TENM4: variants seen among roughly 807,000 people sequenced by gnomAD.
The protein encoded by TENM4 is teneurin transmembrane protein 4, also known as teneurin-4.
In TENM4, 82 loss-of-function variants were observed where a neutral mutation model predicts 243.3. The observed-to-expected ratio is 0.34, with a 90% CI of 0.28 to 0.40. The LOEUF is 0.40. Ranked by LOEUF, TENM4 falls within the 10% of genes least tolerant of loss-of-function variation. TENM4 has a pLI of 1.00. For missense variants in TENM4, 3,138 were observed against 3,673.3 expected, an observed-to-expected ratio of 0.85 and a Z score of 3.77; for synonymous variants, 1,412 against 1,456.3, an observed-to-expected ratio of 0.97 and a Z score of 0.69.
chr11:78,713,552 C>T (rs1023940835), intron 25 of TENM4, among the ~76,000 whole-genome samples: 2 of 152,198 alleles, frequency 1.3e-5, no homozygotes, highest in Admixed American at 6.5e-5. Flanking sequence ...GGTTCCAAGT[C>T]TAGCTCCGTA....
At chr11:79,111,488 T>C (rs1042507201) in intron 4 of TENM4, among the ~76,000 whole-genome samples, 2 of 152,158 alleles carry the variant, frequency 1.3e-5, no homozygotes, top group Non-Finnish European at 2.9e-5. Context: ...GAGCTTGCAG[T>C]GAGCCGAGAT....
chr11:78,899,332 C>T (rs1270135582), intron 7 of TENM4, among the ~76,000 whole-genome samples: 1 of 152,036 alleles, frequency 6.6e-6, no homozygotes, highest in Admixed American at 6.5e-5. Flanking sequence ...GTAACTCACA[C>T]CTGTAGAACC....
chr11:78,837,710 A>T (rs557750114), intron 12 of TENM4, among the ~76,000 whole-genome samples: 9 of 152,370 alleles, frequency 5.9e-5, no homozygotes, highest in African/African-American at 2.2e-4. Context: ...TTATTAATAC[A>T]CATGTTTATA....
At chr11:79,167,701 A>G (rs1475458006) in intron 3 of TENM4, among the ~76,000 whole-genome samples, 3 of 152,224 alleles carry the variant, frequency 2.0e-5, no homozygotes, top group Admixed American at 2.0e-4. Context: ...TTGGAGGTGA[A>G]GGTGGCAGGG....
intron 3 of TENM4, among the ~76,000 whole-genome samples, chr11:79,207,715 A>G (rs1863876951): frequency 1.3e-5 from 2 of 151,842 alleles, no homozygotes; most frequent in African/African-American, 4.8e-5. Context: ...AAAATACAAA[A>G]ATTAGCCAGG....
At chr11:79,061,445 G>A (rs1353483636) in intron 6 of TENM4, among the ~76,000 whole-genome samples, 1 of 152,154 alleles carries the variant, frequency 6.6e-6, no homozygotes, top group Non-Finnish European at 1.5e-5. Context: ...TGTGGCCAGT[G>A]GGGAAATGGA....
intron 1 of TENM4, among the ~76,000 whole-genome samples, chr11:79,316,164 C>A (rs1303056354): frequency 6.6e-6 from 1 of 151,814 alleles, no homozygotes; most frequent in Non-Finnish European, 1.5e-5. Flanking sequence ...GGAGAGGAAG[C>A]AGATAGTGGG....
intron 3 of TENM4, among the ~76,000 whole-genome samples, chr11:79,180,740 A>G (rs1372874841): frequency 1.3e-5 from 2 of 151,462 alleles, no homozygotes; most frequent in Non-Finnish European, 3.0e-5. Flanking sequence ...GCTACTTGGG[A>G]TGCTGAGGCA....
chr11:78,884,543 T>C (rs1449522149), intron 9 of TENM4, among the ~76,000 whole-genome samples: 1 of 152,220 alleles, frequency 6.6e-6, no homozygotes, highest in Non-Finnish European at 1.5e-5. Context: ...TGTCATATAC[T>C]GGCTATGTGA....
chr11:78,896,847 T>A (rs1490910036), intron 7 of TENM4, among the ~76,000 whole-genome samples: 2 of 152,156 alleles, frequency 1.3e-5, no homozygotes, highest in Admixed American at 1.3e-4. Context: ...ACTTAACTTG[T>A]CTGTGCTTCA....
In TENM4 at chr11:78,657,835, A is replaced by G. The variant is rs1345718993; in HGVS notation, c.*223T>C. 1 of 643,324 alleles carries G rather than the reference A, an allele frequency of 1.6e-6. No homozygotes were observed. Among genetic ancestry groups the G allele is most frequent in the Admixed American group, 2.8e-5 (1 of 35,722 alleles). The allele number at this position is 643,324 out of a possible 1,614,324, so 39.9% of individuals were successfully genotyped here. ...AGACAATAAAGTTTTCATTGTGATC[A>G]CACTACAGAAAAAAATACCTTCTGT... On this transcript the variant is annotated 3_prime_UTR_variant, in exon 34 of 34. Transcript: ENST00000278550.
At chr11:78,972,693 C>T (rs753305504) in intron 6 of TENM4, among the ~76,000 whole-genome samples, 5 of 152,128 alleles carry the variant, frequency 3.3e-5, no homozygotes, top group Non-Finnish European at 7.4e-5. Context: ...ATTCACACAC[C>T]ATACAGGCCA....
At chr11:78,973,511 T>C (rs2136587153) in intron 6 of TENM4, among the ~76,000 whole-genome samples, 1 of 152,282 alleles carries the variant, frequency 6.6e-6, no homozygotes, top group Non-Finnish European at 1.5e-5. Flanking sequence ...ATTGCCCAAT[T>C]TTTAACTTGA....
intron 1 of TENM4, among the ~76,000 whole-genome samples, chr11:79,316,073 T>C (rs1019485634): frequency 3.3e-5 from 5 of 152,204 alleles, no homozygotes; most frequent in Admixed American, 1.3e-4. Flanking sequence ...TTTTCAACAA[T>C]GTCTGAAAGG....
At position 78,814,367 on chromosome 11, in the gene TENM4, G is replaced by A. The variant is rs201303399; in HGVS notation, c.1710C>T (p.Cys570=). The A allele has an allele frequency of 3.5e-5, 55 of 1,549,904 alleles. No individual in the cohort carries two copies. Among genetic ancestry groups the A allele is most frequent in the Admixed American group, 3.9e-5 (2 of 50,672 alleles). Residue 570 remains cysteine, a synonymous_variant, in exon 13 of 34, where the codon TGC becomes TGT. Coordinates refer to ENST00000278550, the MANE Select transcript of TENM4 (RefSeq NM_001098816.3). ...CAGAGATGCAGTCACCATTGCCATAGCAGTTGCTGGGGCAGTTATCCACCG... is the reference window on the plus strand; with the variant it reads ...CAGAGATGCAGTCACCATTGCCATAACAGTTGCTGGGGCAGTTATCCACCG... ...IESVDNCPSN[C]YGNGDCISGT... is the part of the protein sequence containing the mutation.
chr11:79,216,031 C>T lies in TENM4; in HGVS notation c.-264-122G>A, dbSNP rs1437917863. The T allele has an allele frequency of 1.5e-5, 3 of 204,624 alleles. No homozygotes were observed. In the East Asian group the frequency reaches 5.5e-4, roughly 38 times the overall value. The allele number at this position is 204,624 out of a possible 1,614,324, so 12.7% of individuals were successfully genotyped here. A position where few individuals can be genotyped will look rare whatever the true frequency, so the allele number is the denominator to read the frequency against. ...ACACTATGGGAAAATGAGGCTTGTT[C>T]CTGGTCCCACAGCAATGAAGAGAAG... On this transcript the variant is annotated intron_variant, in intron 2 of 33. Transcript: ENST00000278550.
chr11:78,867,341 A>G (rs1226053735), intron 9 of TENM4, among the ~76,000 whole-genome samples: 1 of 152,162 alleles, frequency 6.6e-6, no homozygotes, highest in Non-Finnish European at 1.5e-5. Flanking sequence ...CCCACAAATG[A>G]GTGAGAATAC....
At chr11:79,380,155 A>G (rs1326492282) in intron 1 of TENM4, among the ~76,000 whole-genome samples, 1 of 152,210 alleles carries the variant, frequency 6.6e-6, no homozygotes, top group East Asian at 1.9e-4. Context: ...AGGAGGTGTG[A>G]TGGCAACATC....
intron 1 of TENM4, among the ~76,000 whole-genome samples, chr11:79,304,738 T>G (rs1344548317): frequency 6.6e-6 from 1 of 152,194 alleles, no homozygotes; most frequent in African/African-American, 2.4e-5. Context: ...ATGTATTAAC[T>G]GGCCTCCAAA....
Sources: allele counts gnomAD v4.1 joint callset (sites outside exome capture counted in the v4.1 genomes callset), GRCh38; gene constraint gnomAD v4.1.1; transcripts MANE v1.5; gene names NCBI Gene and HGNC (gene_info 2026-07-23, HGNC 2026-07-21).